VTI1B: variants seen among roughly 807,000 people sequenced by gnomAD.
The protein encoded by VTI1B is vesicle transport through interaction with t-SNAREs homolog 1B.
A neutral mutation model predicts 28.6 loss-of-function variants in VTI1B; 18 were observed. That is an observed-to-expected ratio of 0.63 (90% CI 0.43 to 0.93). The LOEUF (loss-of-function observed/expected upper bound fraction) is 0.93, where lower values mean the gene tolerates loss of function less well. VTI1B is among the 40% of genes least tolerant of loss of function. The probability of loss-of-function intolerance (pLI) is 0.00; values close to 1 mark genes in which losing one functional copy is unlikely to be tolerated. For synonymous variants in VTI1B, 100 were observed against 107.9 expected (o/e 0.93, Z 0.46); for missense variants, 283 against 297.0 (o/e 0.95, Z 0.35).
rs2037129133 is a variant in VTI1B at position 67,648,403 on chromosome 14, T to C, written c.*2982A>G. The C allele has an allele frequency of 2.4e-6, 1 of 411,780 alleles. No homozygotes were observed. Among genetic ancestry groups the C allele is most frequent in the East Asian group, 3.7e-5 (1 of 26,928 alleles). The allele number at this position is 411,780 out of a possible 1,614,324, so 25.5% of individuals were successfully genotyped here. A position where few individuals can be genotyped will look rare whatever the true frequency, so the allele number is the denominator to read the frequency against. Reference sequence around the variant, plus strand: ...TTACCAAATTACACTAAGGTAATAATGAGTAAAAAATTGTATATTTAAACA... The same window carrying C: ...TTACCAAATTACACTAAGGTAATAACGAGTAAAAAATTGTATATTTAAACA... On this transcript the variant is annotated 3_prime_UTR_variant, in exon 6 of 6. Transcript: ENST00000554659.
intron 4 of VTI1B, among the ~76,000 whole-genome samples, chr14:67,656,210 C>T (rs1566811521): frequency 6.7e-6 from 1 of 149,372 alleles, no homozygotes; most frequent in Non-Finnish European, 1.5e-5. Context: ...CACGCCACTG[C>T]ACTCCAGCCT....
At chr14:67,653,586 G>T in intron 4 of VTI1B, 88 bp from the exon 5 acceptor site, 2 of 1,176,174 alleles carry the variant, frequency 1.7e-6, no homozygotes, top group South Asian at 1.4e-5. Context: ...AGGCATTAAG[G>T]GATATATGTT....
chr14:67,648,215 C>A lies in VTI1B; in HGVS notation c.*3170G>T, dbSNP rs1406606687. ...AGCAACCAGGTCTGCAGCCTGTTAA[C>A]TACATAGGTAAATATGCTAGAGTCT... On this transcript the variant is annotated 3_prime_UTR_variant, in exon 6 of 6. Coordinates refer to ENST00000554659, the MANE Select transcript of VTI1B (RefSeq NM_006370.3). 2 of 1,599,040 alleles carry A rather than the reference C, an allele frequency of 1.3e-6. No individual in the cohort carries two copies. Among genetic ancestry groups the A allele is most frequent in the African/African-American group, 2.7e-5 (2 of 74,626 alleles).
intron 1 of VTI1B, among the ~76,000 whole-genome samples, chr14:67,668,317 T>C (rs1355963808): frequency 6.6e-6 from 1 of 152,194 alleles, no homozygotes; most frequent in Non-Finnish European, 1.5e-5. Context: ...GTAGAAATTA[T>C]GGCCATAGGT....
rs548306614 is a variant in VTI1B, at chr14:67,647,937, T to C, written c.*3448A>G. The C allele has an allele frequency of 9.4e-7, 1 of 1,063,424 alleles. No homozygotes were observed. The highest frequency in any genetic ancestry group is 1.6e-5 in the African/African-American group (1 of 62,926). 65.9% of individuals were successfully genotyped at this position (1,063,424 alleles called of 1,614,324 possible). The stretch of plus-strand genomic sequence containing the variant: ...ATTAACAGCTTTATTAACAAAGTAC[T>C]AGGACTAATAGCAACAAAATCAAGG... On this transcript the variant is annotated 3_prime_UTR_variant, in exon 6 of 6. Transcript: ENST00000554659.
At chr14:67,654,809 C>A (rs1012790895) in intron 4 of VTI1B, among the ~76,000 whole-genome samples, 14 of 151,798 alleles carry the variant, frequency 9.2e-5, no homozygotes, top group African/African-American at 2.9e-4. Context: ...GCGGGCAGAT[C>A]ATGAGGTTAA....
intron 1 of VTI1B, chr14:67,663,271 T>C: frequency 2.1e-6 from 2 of 968,578 alleles, no homozygotes; most frequent in East Asian, 2.7e-5. Flanking sequence ...TATTTTCTGA[T>C]AGTTTATACT....
At chr14:67,654,700 T>C (rs2037231401) in intron 4 of VTI1B, among the ~76,000 whole-genome samples, 1 of 152,144 alleles carries the variant, frequency 6.6e-6, no homozygotes, top group African/African-American at 2.4e-5. Flanking sequence ...CCTTCTGCTA[T>C]TAAGAATACA....
At chr14:67,666,250 T>C (rs780910236) in intron 1 of VTI1B, among the ~76,000 whole-genome samples, 2 of 152,192 alleles carry the variant, frequency 1.3e-5, no homozygotes, top group African/African-American at 2.4e-5. Context: ...CTTCCTTTGT[T>C]AATGGGTATG....
At chr14:67,661,726 G>A (rs1400881170) in intron 2 of VTI1B, among the ~76,000 whole-genome samples, 1 of 151,554 alleles carries the variant, frequency 6.6e-6, no homozygotes, top group Non-Finnish European at 1.5e-5. Context: ...GAGATGGGGG[G>A]TCTCCCTATG....
At position 67,674,394 on chromosome 14, in the gene VTI1B, C is replaced by A; in HGVS notation, c.96G>T (p.Leu32=). 6.2e-7 allele frequency: 1 copy of A among 1,602,384 alleles called. No individual in the cohort carries two copies. Among genetic ancestry groups the A allele is most frequent in the Non-Finnish European group, 8.5e-7 (1 of 1,176,004 alleles). ...CCTCACCGGTCCCCGCCGTCCCCAG[C>A]AGCCGCTCGGGCACCCCTTGTAGGT... ...HEDLQGVPER[L]LGTAGTEEKK... is the part of the protein sequence containing the mutation. Residue 32 remains leucine, a synonymous_variant, in exon 1 of 6, where the codon CTG becomes CTT. Coordinates refer to ENST00000554659, the MANE Select transcript of VTI1B (RefSeq NM_006370.3).
chr14:67,657,646 T>G (rs2037278883), intron 3 of VTI1B, among the ~76,000 whole-genome samples: 2 of 150,426 alleles, frequency 1.3e-5, no homozygotes, highest in African/African-American at 4.9e-5. Flanking sequence ...GGGACCCAGC[T>G]CACAGAGGCC....
chr14:67,672,389 G>T (rs1363067694), intron 1 of VTI1B, among the ~76,000 whole-genome samples: 2 of 149,934 alleles, frequency 1.3e-5, no homozygotes, highest in African/African-American at 4.9e-5. Flanking sequence ...CAAGTGCTGG[G>T]ATTACAGGTG....
chr14:67,668,722 A>G (rs941584847), intron 1 of VTI1B, among the ~76,000 whole-genome samples: 9 of 152,210 alleles, frequency 5.9e-5, no homozygotes, highest in African/African-American at 2.2e-4. Flanking sequence ...AGCCTTCATC[A>G]GAAACCCCCT....
chr14:67,657,168 T>C (rs1205809052), intron 3 of VTI1B: 1 of 152,230 alleles, frequency 6.6e-6, no homozygotes, highest in Non-Finnish European at 1.5e-5. Flanking sequence ...CTGACTCACT[T>C]GGCTTCTGAG....
At chr14:67,673,171 T>C (rs757142194) in intron 1 of VTI1B, among the ~76,000 whole-genome samples, 1 of 152,120 alleles carries the variant, frequency 6.6e-6, no homozygotes, top group Non-Finnish European at 1.5e-5. Flanking sequence ...GGCAAAACCC[T>C]GTCTCTACTA....
chr14:67,666,534 T>C (rs1443807915), intron 1 of VTI1B, among the ~76,000 whole-genome samples: 1 of 152,256 alleles, frequency 6.6e-6, no homozygotes, highest in African/African-American at 2.4e-5. Flanking sequence ...AAATCATTTC[T>C]TGTGATGATA....
chr14:67,674,587 G>GACCGCCGCACC lies in VTI1B; in HGVS notation c.-109_-99dup. The stretch of plus-strand genomic sequence containing the variant: ...CGCCCAGCCCAGTGGCCATAACGGC[G>GACCGCCGCACC]ACCGCCGCACCACCGCCGCCCAGGA... On this transcript the variant is annotated 5_prime_UTR_variant, in exon 1 of 6. Coordinates refer to ENST00000554659, the MANE Select transcript of VTI1B (RefSeq NM_006370.3). 2 of 1,009,230 alleles carry GACCGCCGCACC rather than the reference G, an allele frequency of 2.0e-6. No homozygotes were observed. The highest frequency in any genetic ancestry group is 3.5e-5 in the Admixed American group (1 of 28,602). The allele number at this position is 1,009,230 out of a possible 1,614,324, so 62.5% of individuals were successfully genotyped here.
At chr14:67,663,277 A>C in intron 1 of VTI1B, 1 of 919,412 alleles carries the variant, frequency 1.1e-6, no homozygotes, top group Non-Finnish European at 1.6e-6. Context: ...CTGATAGTTT[A>C]TACTACAGGT....
Sources: gnomAD v4.1 joint callset for allele counts (sites outside exome capture counted in the v4.1 genomes callset) on GRCh38, gnomAD v4.1.1 for gene constraint, MANE v1.5 for transcripts, NCBI Gene and HGNC (gene_info 2026-07-23, HGNC 2026-07-21) for gene names.